SEM1: variants seen among roughly 807,000 people sequenced by gnomAD.
The protein encoded by SEM1 is SEM1 26S proteasome subunit.
In SEM1, 3 loss-of-function variants were observed where a neutral mutation model predicts 12.7. That is an observed-to-expected ratio of 0.24 (90% CI 0.11 to 0.61). The LOEUF (loss-of-function observed/expected upper bound fraction) is 0.61, where lower values mean the gene tolerates loss of function less well. Ranked by LOEUF, SEM1 falls within the 20% of genes least tolerant of loss-of-function variation. The pLI is 0.88. For synonymous variants in SEM1, 30 were observed against 27.8 expected, an observed-to-expected ratio of 1.08 and a Z score of -0.25; for missense variants, 59 against 81.3, an observed-to-expected ratio of 0.73 and a Z score of 1.06.
At chr7:96,595,900 CT>C (rs1465055452) in intron 2 of SEM1, among the ~76,000 whole-genome samples, 1 of 152,136 alleles carries the variant, frequency 6.6e-6, no homozygotes, top group Non-Finnish European at 1.5e-5. Flanking sequence ...CAAGAAGGTG[CT>C]TATGGCCAAC....
exon 3 of SEM1, chr7:96,673,633 C>T (rs1402328776): frequency 3.1e-6 from 2 of 651,012 alleles, no homozygotes; most frequent in Non-Finnish European, 5.6e-6. Flanking sequence ...AGCACCACCC[C>T]ACTCCCTCCT....
intron 2 of SEM1, among the ~76,000 whole-genome samples, chr7:96,562,285 T>C (rs1805710927): frequency 6.6e-6 from 1 of 152,180 alleles, no homozygotes; most frequent in South Asian, 2.1e-4. Flanking sequence ...TTGTTAGAAG[T>C]AGATTAGAAG....
intron 2 of SEM1, among the ~76,000 whole-genome samples, chr7:96,612,674 C>T (rs1001315079): frequency 4.6e-5 from 7 of 152,240 alleles, no homozygotes; most frequent in Non-Finnish European, 7.4e-5. Flanking sequence ...GTTGCCCAGT[C>T]GCCCAGGCTG....
chr7:96,699,462 C>T (rs1405339271), intron 1 of SEM1, among the ~76,000 whole-genome samples: 1 of 152,196 alleles, frequency 6.6e-6, no homozygotes, highest in African/African-American at 2.4e-5. Flanking sequence ...TTAAAAACCA[C>T]TTCTCATCTA....
exon 1 of SEM1, chr7:96,496,297 T>C (rs1454188279): frequency 1.3e-6 from 2 of 1,520,988 alleles, no homozygotes; most frequent in Non-Finnish European, 1.8e-6. Flanking sequence ...GCAATACATG[T>C]TCTTCCTTCA....
upstream of SEM1, among the ~76,000 whole-genome samples, chr7:96,500,462 C>T (rs887028958): frequency 1.3e-5 from 2 of 152,138 alleles, no homozygotes; most frequent in Non-Finnish European, 2.9e-5. Context: ...ATGAACTTCA[C>T]TCAGGCCAGT....
intron 1 of SEM1, chr7:96,496,234 A>G: frequency 8.5e-7 from 1 of 1,181,898 alleles, no homozygotes; most frequent in Non-Finnish European, 1.2e-6. Flanking sequence ...CATGTAGAGG[A>G]TTATATTTAA....
At chr7:96,593,767 G>GA (rs1245353965) in intron 2 of SEM1, among the ~76,000 whole-genome samples, 5 of 151,912 alleles carry the variant, frequency 3.3e-5, no homozygotes, top group Non-Finnish European at 5.9e-5. Context: ...AGGTCGTTAG[G>GA]AAAAAGAATG....
At chr7:96,594,879 G>GCTA (rs1478608669) in intron 2 of SEM1, among the ~76,000 whole-genome samples, 24 of 152,098 alleles carry the variant, frequency 1.6e-4, no homozygotes, top group Non-Finnish European at 2.9e-5. Flanking sequence ...ATACAGAGCA[G>GCTA]CTACATAAAC....
intron 2 of SEM1, among the ~76,000 whole-genome samples, chr7:96,693,018 T>A (rs1789974397): frequency 1.3e-5 from 2 of 151,992 alleles, no homozygotes. Context: ...ATTATACTAT[T>A]TCTAAAAATG....
At chr7:96,556,173 G>C (rs1222027240) in intron 2 of SEM1, among the ~76,000 whole-genome samples, 1 of 151,880 alleles carries the variant, frequency 6.6e-6, no homozygotes, top group Non-Finnish European at 1.5e-5. Flanking sequence ...TTTAATTGGA[G>C]CATTTAGTCC....
rs1371100342 is a variant in SEM1, at chr7:96,679,627, G to A, written c.171-5768C>T. Among the ~76,000 whole-genome samples, 3 of 152,050 alleles carry A rather than the reference G, an allele frequency of 2.0e-5. No homozygotes were observed. In the East Asian group the frequency reaches 5.8e-4, roughly 29 times the overall value. Reference sequence around the variant, plus strand: ...AAAAGTATATTTCTTAGTCATTAGTGATCTGATTGACCTCTTTTGCCAGGA... The same window carrying A: ...AAAAGTATATTTCTTAGTCATTAGTAATCTGATTGACCTCTTTTGCCAGGA... On this transcript the variant is annotated intron_variant, in intron 2 of 2. Transcript: ENST00000413065.
At chr7:96,667,303 G>A (rs4729273) in intron 2 of SEM1, among the ~76,000 whole-genome samples, 50,433 of 151,944 alleles carry the variant, frequency 0.33, 9,853 homozygotes, top group African/African-American at 0.55. Context: ...TGGTGGTTAC[G>A]GCAATGAATT....
intron 1 of SEM1, among the ~76,000 whole-genome samples, chr7:96,698,149 C>T (rs1790155301): frequency 2.0e-5 from 3 of 152,088 alleles, no homozygotes; most frequent in African/African-American, 4.8e-5. Flanking sequence ...ACTATTCTTA[C>T]ATTTTTTAAA....
chr7:96,494,274 C>T (rs1451104803), intron 1 of SEM1, among the ~76,000 whole-genome samples: 1 of 152,126 alleles, frequency 6.6e-6, no homozygotes, highest in Non-Finnish European at 1.5e-5. Flanking sequence ...AAATAATTCT[C>T]AAGATATGTG....
upstream of SEM1, chr7:96,496,373 A>G: frequency 8.8e-7 from 1 of 1,142,124 alleles, no homozygotes; most frequent in Non-Finnish European, 1.2e-6. Context: ...TTCAAATGTA[A>G]TATAAAAGAG....
At chr7:96,533,423 A>G (rs1804699158) in intron 2 of SEM1, among the ~76,000 whole-genome samples, 1 of 152,030 alleles carries the variant, frequency 6.6e-6, no homozygotes, top group Non-Finnish European at 1.5e-5. Context: ...GCTCTTCTGT[A>G]TAGTGACCCT....
intron 2 of SEM1, among the ~76,000 whole-genome samples, chr7:96,629,408 C>T (rs1411097814): frequency 1.3e-5 from 2 of 151,866 alleles, no homozygotes; most frequent in South Asian, 2.1e-4. Context: ...TCCTCTTCTG[C>T]TTGATCAATT....
chr7:96,585,024 T>C (rs1806563943), intron 2 of SEM1, among the ~76,000 whole-genome samples: 1 of 151,606 alleles, frequency 6.6e-6, no homozygotes, highest in Non-Finnish European at 1.5e-5. Context: ...ACTGCGTTCC[T>C]TTGGAGAAGG....
Sources: gnomAD v4.1 joint callset for allele counts (sites outside exome capture counted in the v4.1 genomes callset) on GRCh38, gnomAD v4.1.1 for gene constraint, MANE v1.5 for transcripts, NCBI Gene and HGNC (gene_info 2026-07-23, HGNC 2026-07-21) for gene names.